USP8: variants seen among roughly 807,000 people sequenced by gnomAD.
USP8 encodes ubiquitin specific peptidase 8.
In USP8, 27 loss-of-function variants were observed where a neutral mutation model predicts 130.0. The observed-to-expected ratio is 0.21, with a 90% CI of 0.15 to 0.29. The LOEUF (loss-of-function observed/expected upper bound fraction) is 0.29, where lower values mean the gene tolerates loss of function less well. USP8 is among the 10% of genes least tolerant of loss of function. USP8 has a pLI of 1.00. For synonymous variants in USP8, 392 were observed against 444.1 expected (o/e 0.88, Z 1.48); for missense variants, 1,029 against 1,312.2 (o/e 0.78, Z 3.33).
At chr15:50,474,627 G>A (rs1189961046) in intron 8 of USP8, among the ~76,000 whole-genome samples, 1 of 152,100 alleles carries the variant, frequency 6.6e-6, no homozygotes, top group African/African-American at 2.4e-5. Context: ...TGAAATGAAT[G>A]GTTTGGGGAC....
intron 1 of USP8, among the ~76,000 whole-genome samples, chr15:50,430,208 A>C (rs1285094524): frequency 6.6e-6 from 1 of 151,980 alleles, no homozygotes; most frequent in East Asian, 1.9e-4. Flanking sequence ...TTAGACAGTC[A>C]CTCTTTAGAA....
At chr15:50,428,932 G>GCA (rs1224596199) in intron 1 of USP8, among the ~76,000 whole-genome samples, 1 of 152,180 alleles carries the variant, frequency 6.6e-6, no homozygotes, top group African/African-American at 2.4e-5. Flanking sequence ...CTGTAATACT[G>GCA]CTATAGTCAG....
chr15:50,484,292 A>G lies in USP8; in HGVS notation c.1821A>G (p.Gly607=), dbSNP rs778737779. ...SGSGKPFKIK[G]QPESGILRTG... ...TTTTACAGCCATTTAAGATTAAAGGACAACCAGAAAGTGGAATTCTAAGGA... is the reference window on the plus strand; with the variant it reads ...TTTTACAGCCATTTAAGATTAAAGGGCAACCAGAAAGTGGAATTCTAAGGA... Residue 607 remains glycine, a synonymous_variant, in exon 12 of 20, where the codon GGA becomes GGG. Coordinates refer to ENST00000307179, the MANE Select transcript of USP8 (RefSeq NM_005154.5). The G allele has an allele frequency of 9.9e-6, 16 of 1,611,114 alleles. No homozygotes were observed. The highest frequency in any genetic ancestry group is 1.3e-5 in the Non-Finnish European group (15 of 1,179,018).
At chr15:50,452,377 C>A (rs1037614154) in intron 4 of USP8, among the ~76,000 whole-genome samples, 1 of 152,134 alleles carries the variant, frequency 6.6e-6, no homozygotes, top group Non-Finnish European at 1.5e-5. Context: ...CTCACTTCAG[C>A]TTACCAACTG....
chr15:50,498,554 T>A (rs1566895175), intron 18 of USP8, 42 bp from the exon 19 acceptor site: 1 of 1,552,106 alleles, frequency 6.4e-7, no homozygotes, highest in Admixed American at 1.9e-5. Context: ...TTCATCCTGG[T>A]ATCTTCCTCT....
chr15:50,473,015 A>G (rs2051433001), intron 8 of USP8, among the ~76,000 whole-genome samples: 1 of 152,190 alleles, frequency 6.6e-6, no homozygotes, highest in African/African-American at 2.4e-5. Flanking sequence ...TTCTACAAAT[A>G]AGAAAAATAC....
At chr15:50,490,079 C>T (rs1383833957) in intron 13 of USP8, among the ~76,000 whole-genome samples, 184 bp from the exon 14 acceptor site, 1 of 152,144 alleles carries the variant, frequency 6.6e-6, no homozygotes, top group Non-Finnish European at 1.5e-5. Flanking sequence ...AGCATTCTGG[C>T]ATTTATCATT....
intron 10 of USP8, among the ~76,000 whole-genome samples, chr15:50,478,281 TAACC>T (rs2051640160): frequency 6.6e-6 from 1 of 152,218 alleles, no homozygotes; most frequent in African/African-American, 2.4e-5. Flanking sequence ...AGTTTTTAAA[TAACC>T]AAGACATTAC....
intron 3 of USP8, among the ~76,000 whole-genome samples, chr15:50,442,050 C>T (rs1567604070): frequency 7.0e-6 from 1 of 142,790 alleles, no homozygotes; most frequent in East Asian, 2.1e-4. Context: ...GATATCGGCT[C>T]ACTGCAACCT....
At chr15:50,478,648 T>C (rs978998139) in intron 10 of USP8, among the ~76,000 whole-genome samples, 11 of 152,252 alleles carry the variant, frequency 7.2e-5, no homozygotes, top group Non-Finnish European at 1.6e-4. Context: ...TTCTCTATGT[T>C]ATTGCATTTC....
In USP8 at chr15:50,489,210, T is replaced by C. The variant is rs577413633; in HGVS notation, c.1891-591T>C. ...CAGTATTTTGTGGGATGAATGAATA[T>C]AGAAGAAGAAATGTTAGGAGAGCAA... On this transcript the variant is annotated intron_variant, in intron 12 of 19. Coordinates refer to ENST00000307179, the MANE Select transcript of USP8 (RefSeq NM_005154.5). 2.7e-4 allele frequency among the ~76,000 whole-genome samples: 41 copies of C among 152,284 alleles called. 1 individual carries two copies. In the South Asian group the frequency reaches 7.9e-3, roughly 29 times the overall value.
At chr15:50,487,362 A>AAGAG (rs112249459) in intron 12 of USP8, among the ~76,000 whole-genome samples, 7 of 150,086 alleles carry the variant, frequency 4.7e-5, no homozygotes, top group East Asian at 1.9e-4. Flanking sequence ...AGAGAAAATG[A>AAGAG]AGAGAGAGAG....
intron 14 of USP8, 65 bp from the exon 15 acceptor site, chr15:50,492,636 A>G: frequency 6.5e-7 from 1 of 1,527,420 alleles, no homozygotes; most frequent in Non-Finnish European, 8.8e-7. Context: ...TGCCATTTAT[A>G]GTATAGAACC....
chr15:50,480,125 T>C (rs2051712656), intron 10 of USP8, among the ~76,000 whole-genome samples: 2 of 152,196 alleles, frequency 1.3e-5, no homozygotes, highest in Admixed American at 6.6e-5. Flanking sequence ...TAGATTGTTA[T>C]TGGCACATGT....
Position 50,491,369 on chromosome 15 carries a change from A to G in USP8, c.2234+844A>G, listed in dbSNP as rs191042653. ...CCTGAGAACTTACCCTGCCAGGTGC[A>G]GACTTATTCGAAGGAGCTTTTAAAA... On this transcript the variant is annotated intron_variant, in intron 14 of 19. Coordinates refer to ENST00000307179, the MANE Select transcript of USP8 (RefSeq NM_005154.5). 1.7e-4 allele frequency among the ~76,000 whole-genome samples: 26 copies of G among 152,358 alleles called. No individual in the cohort carries two copies. In the East Asian group the frequency reaches 2.5e-3, roughly 15 times the overall value.
intron 18 of USP8, chr15:50,497,771 T>C (rs1595995494): frequency 6.6e-6 from 1 of 152,306 alleles, no homozygotes; most frequent in African/African-American, 2.4e-5. Context: ...GGTCTTCACA[T>C]AATCACATAA....
rs529237328 is a variant in USP8 at position 50,473,598 on chromosome 15, A to G, written c.849+1803A>G. 6.9e-4 allele frequency among the ~76,000 whole-genome samples: 104 copies of G among 151,772 alleles called. 1 individual carries two copies. The highest frequency in any genetic ancestry group is 2.3e-3 in the African/African-American group (97 of 41,418). On this transcript the variant is annotated intron_variant, in intron 8 of 19. Coordinates refer to ENST00000307179, the MANE Select transcript of USP8 (RefSeq NM_005154.5). ...CACTGCAGCCTTGAACTCCTGGCTC[A>G]AGTGATCCTACTGCCTCAGCCTCCT...
chr15:50,508,997 G>A lies in USP8; in HGVS notation c.*9909G>A, dbSNP rs1566902394. The A allele has an allele frequency of 1.3e-5, 2 of 152,120 alleles. No individual in the cohort carries two copies. Among genetic ancestry groups the A allele is most frequent in the South Asian group, 2.1e-4 (1 of 4,820 alleles). The allele number at this position is 152,120 out of a possible 1,614,324, so 9.4% of individuals were successfully genotyped here. A position where few individuals can be genotyped will look rare whatever the true frequency, so the allele number is the denominator to read the frequency against. ...AAAATACAAAAAATTACCTGGGCAC[G>A]GTGGCGGGCGCCTGTAGTCCCAGCT... On this transcript the variant is annotated 3_prime_UTR_variant, in exon 20 of 20. Transcript: ENST00000307179.
chr15:50,483,158 C>G lies in USP8; in HGVS notation c.1803+1093C>G, dbSNP rs1170695389. ...TGTCTTATTTACCCCTAATGATAAC[C>G]CCATAAGGTATTTAATTTACAAGTG... On this transcript the variant is annotated intron_variant, in intron 11 of 19. Transcript: ENST00000307179. Among the ~76,000 whole-genome samples, 7 of 152,054 alleles carry G rather than the reference C, an allele frequency of 4.6e-5. No homozygotes were observed. In the East Asian group the frequency reaches 1.3e-3, roughly 29 times the overall value.
Sources: gnomAD v4.1 joint callset for allele counts (sites outside exome capture counted in the v4.1 genomes callset) on GRCh38, gnomAD v4.1.1 for gene constraint, MANE v1.5 for transcripts, NCBI Gene and HGNC (gene_info 2026-07-23, HGNC 2026-07-21) for gene names.